Variants in KCNH2 observed in about 807,000 individuals in gnomAD.
KCNH2 encodes the protein voltage-gated inwardly rectifying potassium channel KCNH2.
Under a neutral mutation model 95.9 loss-of-function variants are expected in KCNH2, and 35 were observed. The ratio of observed to expected loss-of-function variants is 0.37; its 90% CI spans 0.28 to 0.48. The LOEUF (loss-of-function observed/expected upper bound fraction) is 0.48, where lower values mean the gene tolerates loss of function less well. KCNH2 is among the 20% of genes least tolerant of loss of function. The pLI is 0.99. For missense variants in KCNH2, 1,274 were observed against 1,702.9 expected (o/e 0.75, Z 4.43); for synonymous variants, 786 against 754.7 (o/e 1.04, Z -0.68).
chr7:150,949,408 ATTTTTTTTTTTTTT>A (rs1035990140), intron 9 of KCNH2: 4 of 375,780 alleles, frequency 1.1e-5, no homozygotes, highest in African/African-American at 5.8e-5. Context: ...CAAAACCAGC[ATTTTTTTTTTTTTT>A]TTTTTTTTTT....
rs1027131264 is a variant in KCNH2, at chr7:150,978,054, T to G, written c.-141A>C. 6 of 276,092 alleles carry G rather than the reference T, an allele frequency of 2.2e-5. No individual in the cohort carries two copies. The highest frequency in any genetic ancestry group is 3.9e-5 in the Non-Finnish European group (6 of 153,182). 17.1% of individuals were successfully genotyped at this position (276,092 alleles called of 1,614,324 possible). On this transcript the variant is annotated 5_prime_UTR_variant, in exon 1 of 15. Coordinates refer to ENST00000262186, the MANE Select transcript of KCNH2 (RefSeq NM_000238.4). ...AGCACGGGCGCGGCCAAGACTGGAC[T>G]GCGGGCGCCGGGTCCTCGCTCGGCT...
At chr7:150,955,742 C>A in intron 5 of KCNH2, 2 of 1,275,758 alleles carry the variant, frequency 1.6e-6, no homozygotes, top group Non-Finnish European at 2.0e-6. Flanking sequence ...GGCCCCGTGG[C>A]GTGGGCCCTG....
At chr7:150,965,314 T>C (rs1056259671) in intron 2 of KCNH2, among the ~76,000 whole-genome samples, 1 of 152,134 alleles carries the variant, frequency 6.6e-6, no homozygotes, top group African/African-American at 2.4e-5. Context: ...GCATGTGGCA[T>C]GCCTGAGCCA....
chr7:150,950,180 C>T lies in KCNH2; in HGVS notation c.2386G>A (p.Val796Met), dbSNP rs143335921. ...SIEILRGDVVVAILGKNDIFG... is the reference protein window; with the variant it reads ...SIEILRGDVVMAILGKNDIFG... ...CCCCACCCCATACCCAGGATGGCCA[C>T]GACGACGTCGCCCCGCAGGATCTCG... is the stretch of plus-strand genomic sequence containing the variant. Residue 796 changes from valine to methionine, a missense_variant, in exon 9 of 15, where the codon GTG becomes ATG. Val to Met is a conservative substitution (Grantham distance 21, BLOSUM62 1). Transcript: ENST00000262186. 12 of 1,320,414 alleles carry T rather than the reference C, an allele frequency of 9.1e-6. No homozygotes were observed. Among genetic ancestry groups the T allele is most frequent in the South Asian group, 4.6e-5 (4 of 86,408 alleles). 81.8% of individuals were successfully genotyped at this position (1,320,414 alleles called of 1,614,324 possible). A position where few individuals can be genotyped will look rare whatever the true frequency, so the allele number is the denominator to read the frequency against.
intron 7 of KCNH2, 161 bp from the exon 8 acceptor site, chr7:150,951,281 G>A (rs1801146426): frequency 1.9e-6 from 2 of 1,045,324 alleles, no homozygotes; most frequent in Non-Finnish European, 2.9e-6. Context: ...CCACCCTTCA[G>A]TAGTCCCCGC....
intron 5 of KCNH2, among the ~76,000 whole-genome samples, chr7:150,956,244 T>G (rs1801372212): frequency 2.0e-5 from 3 of 151,312 alleles, no homozygotes; most frequent in Non-Finnish European, 2.9e-5. Flanking sequence ...AAGAGAGGGG[T>G]AGGTGGCCAG....
At position 150,962,220 on chromosome 7, in the gene KCNH2, C is replaced by A. The variant is rs41307325; in HGVS notation, c.308-2484G>T. ...GCCGGCAGCGGCCTGAACAGGGATG[C>A]GCCTCACCAGGACTGAGGAGAGGCT... On this transcript the variant is annotated intron_variant, in intron 2 of 14. Coordinates refer to ENST00000262186, the MANE Select transcript of KCNH2 (RefSeq NM_000238.4). The surrounding 1 kb of genome is among the most constrained non-coding windows in gnomAD (Gnocchi z 5.7). 6.6e-6 allele frequency among the ~76,000 whole-genome samples: 1 copy of A among 152,186 alleles called. No homozygotes were observed. Among genetic ancestry groups the A allele is most frequent in the East Asian group, 1.9e-4 (1 of 5,196 alleles).
At chr7:150,967,491 A>G (rs1337280742) in intron 2 of KCNH2, among the ~76,000 whole-genome samples, 1 of 152,268 alleles carries the variant, frequency 6.6e-6, no homozygotes, top group Non-Finnish European at 1.5e-5. Flanking sequence ...GGACAGACTC[A>G]TGGCTATGTG....
rs760401552 is a variant in KCNH2 at position 150,958,300 on chromosome 7, G to C, written c.675C>G (p.Leu225=). 2.0e-6 allele frequency: 3 copies of C among 1,474,776 alleles called. No individual in the cohort carries two copies. Among genetic ancestry groups the C allele is most frequent in the South Asian group, 1.3e-5 (1 of 77,960 alleles). The allele number at this position is 1,474,776 out of a possible 1,614,324, so 91.4% of individuals were successfully genotyped here. ...GCGCACGCCGCTCCTCCGCGGGCCC[G>C]AGCCCTGCCACGTGGTTGTCCATGG... is the stretch of plus-strand genomic sequence containing the variant. ...VTAMDNHVAG[L]GPAEERRALV... The change falls in exon 4 of 15, where the codon CTC becomes CTG. Residue 225 remains leucine, a synonymous_variant. Coordinates refer to ENST00000262186, the MANE Select transcript of KCNH2 (RefSeq NM_000238.4).
At chr7:150,976,098 A>G (rs559838749) in intron 1 of KCNH2, among the ~76,000 whole-genome samples, 4 of 152,316 alleles carry the variant, frequency 2.6e-5, no homozygotes, top group African/African-American at 9.6e-5. Flanking sequence ...TATAAACAGA[A>G]GTTTCCGGCC....
chr7:150,945,873 G>A lies in KCNH2; in HGVS notation c.3331-359C>T, dbSNP rs150044039. ...GTCTCTGTGTTGGGACAGAAGCTGG[G>A]ACAGAAAAAGAGACAAGATTCCTTC... On this transcript the variant is annotated intron_variant, in intron 14 of 14. Coordinates refer to ENST00000262186, the MANE Select transcript of KCNH2 (RefSeq NM_000238.4). The surrounding 1 kb of genome is among the most constrained non-coding windows in gnomAD (Gnocchi z 5.6). Among the ~76,000 whole-genome samples the A allele has an allele frequency of 6.6e-6, 1 of 152,176 alleles. No individual in the cohort carries two copies. The highest frequency in any genetic ancestry group is 6.5e-5 in the Admixed American group (1 of 15,278).
intron 9 of KCNH2, chr7:150,949,305 C>T: frequency 7.2e-7 from 1 of 1,390,126 alleles, no homozygotes; most frequent in Non-Finnish European, 9.3e-7. Context: ...GCAGGACTAC[C>T]CCAAACCCCA....
chr7:150,965,648 T>C (rs1365030511), intron 2 of KCNH2, among the ~76,000 whole-genome samples: 2 of 152,062 alleles, frequency 1.3e-5, no homozygotes, highest in Admixed American at 6.5e-5. Flanking sequence ...TTTCCTTGAC[T>C]GCTCCGTCTG....
Position 150,945,503 on chromosome 7 carries a change from G to C in KCNH2, c.3342C>G (p.Phe1114Leu). The C allele has an allele frequency of 6.4e-7, 1 of 1,558,006 alleles. No individual in the cohort carries two copies. The highest frequency in any genetic ancestry group is 8.7e-7 in the Non-Finnish European group (1 of 1,151,304). Residue 1114 changes from phenylalanine (F) to leucine (L), a missense_variant, in exon 15 of 15, where the codon TTC (phenylalanine) becomes TTG (leucine). Phe to Leu is a conservative substitution (Grantham distance 22, BLOSUM62 0). Coordinates refer to ENST00000262186, the MANE Select transcript of KCNH2 (RefSeq NM_000238.4). The surrounding 1 kb of genome is among the most constrained non-coding windows in gnomAD (Gnocchi z 5.6). The stretch of plus-strand genomic sequence containing the variant: ...CCGGGGGCAGCTCCTCACACGCCAT[G>C]AACTGGGAAACCTGCAATACACACA... The part of the protein sequence containing the change: ...TLDSLSQVSQ[F>L]MACEELPPGA...
chr7:150,968,908 CGAG>C (rs142507418), intron 2 of KCNH2, among the ~76,000 whole-genome samples: 17 of 152,164 alleles, frequency 1.1e-4, no homozygotes, highest in African/African-American at 4.1e-4. Flanking sequence ...TGCTTCATGG[CGAG>C]GAGAATGAGC....
At chr7:150,970,055 A>C (rs1487467571) in intron 2 of KCNH2, among the ~76,000 whole-genome samples, 1 of 151,870 alleles carries the variant, frequency 6.6e-6, no homozygotes, top group African/African-American at 2.4e-5. Context: ...TAAAGGGCTA[A>C]ATACTTTCTG....
chr7:150,947,444 G>A lies in KCNH2; in HGVS notation c.3036C>T (p.Leu1012=). The A allele has an allele frequency of 6.4e-7, 1 of 1,564,004 alleles. No homozygotes were observed. Among genetic ancestry groups the A allele is most frequent in the Non-Finnish European group, 8.7e-7 (1 of 1,154,664 alleles). ...TGGGGGTGGGGGCGGGGCATCGAGG[G>A]AGCTCCTGGTACTGGCGGCCCCGAC... ...GDSRGRQYQE[L]PRCPAPTPSL... The change falls in exon 13 of 15, where the codon CTC becomes CTT. Residue 1012 remains leucine, a synonymous_variant. Coordinates refer to ENST00000262186, the MANE Select transcript of KCNH2 (RefSeq NM_000238.4).
In KCNH2 at chr7:150,977,975, T is replaced by A; in HGVS notation, c.-62A>T. ...ACCCCGGCCCGGCCCGGCCCAGCAC[T>A]AGGCTTCGGGTGGCCCGGCCGGGCC... On this transcript the variant is annotated 5_prime_UTR_variant, in exon 1 of 15. Transcript: ENST00000262186. 1.0e-6 allele frequency: 1 copy of A among 999,364 alleles called. No homozygotes were observed. The highest frequency in any genetic ancestry group is 1.3e-6 in the Non-Finnish European group (1 of 745,344). The allele number at this position is 999,364 out of a possible 1,614,324, so 61.9% of individuals were successfully genotyped here. A position where few individuals can be genotyped will look rare whatever the true frequency, so the allele number is the denominator to read the frequency against.
chr7:150,945,582 CAGG>C lies in KCNH2; in HGVS notation c.3331-71_3331-69del. 2 of 1,489,940 alleles carry C rather than the reference CAGG, an allele frequency of 1.3e-6. No individual in the cohort carries two copies. The highest frequency in any genetic ancestry group is 4.9e-5 in the East Asian group (2 of 40,746). The allele number at this position is 1,489,940 out of a possible 1,614,324, so 92.3% of individuals were successfully genotyped here. On this transcript the variant is annotated intron_variant, in intron 14 of 14. Transcript: ENST00000262186. The surrounding 1 kb of genome is among the most constrained non-coding windows in gnomAD (Gnocchi z 5.6). ...GGAGGAGGAAGGGGAGGGAAAGGGG[CAGG>C]AGAACCCGGGGACAGAGGATGGACG...
Sources: gnomAD v4.1 joint callset for allele counts (sites outside exome capture counted in the v4.1 genomes callset) on GRCh38, gnomAD v4.1.1 for gene constraint, Gnocchi (gnomAD v3.1) non-coding constraint, MANE v1.5 for transcripts, NCBI Gene and HGNC (gene_info 2026-07-23, HGNC 2026-07-21) for gene names.